Variants in NPAS3 observed in about 807,000 individuals in gnomAD.
NPAS3 encodes the protein neuronal PAS domain protein 3.
A neutral mutation model predicts 73.1 loss-of-function variants in NPAS3; 14 were observed. The ratio of observed to expected loss-of-function variants is 0.19; its 90% CI spans 0.13 to 0.30. NPAS3 has a LOEUF of 0.30. Among genes scored for constraint, NPAS3 ranks in the 10% least tolerant of loss-of-function variants. NPAS3 has a pLI of 1.00. For missense variants in NPAS3, 1,096 were observed against 1,250.0 expected, an observed-to-expected ratio of 0.88 and a Z score of 1.86; for synonymous variants, 620 against 541.5, an observed-to-expected ratio of 1.14 and a Z score of -2.01.
chr14:33,702,142 T>C (rs1015626043), intron 6 of NPAS3, among the ~76,000 whole-genome samples: 3 of 152,258 alleles, frequency 2.0e-5, no homozygotes, highest in Admixed American at 1.3e-4. Context: ...CTCTGTTCCA[T>C]GTTAATTGTG....
intron 4 of NPAS3, among the ~76,000 whole-genome samples, chr14:33,544,974 CTGTT>C (rs1390745147): frequency 6.7e-6 from 1 of 150,032 alleles, no homozygotes; most frequent in Non-Finnish European, 1.5e-5. Flanking sequence ...TCCTATGTCT[CTGTT>C]TGATTCTTTT....
At chr14:33,163,472 G>GT (rs76879223) in intron 2 of NPAS3, among the ~76,000 whole-genome samples, 13,644 of 152,232 alleles carry the variant, frequency 0.09, 664 homozygotes, top group East Asian at 0.13. Context: ...TTAAAATGCA[G>GT]TATTTCTTTC....
chr14:33,395,403 CAA>C (rs5807725), intron 4 of NPAS3, among the ~76,000 whole-genome samples: 27,149 of 139,972 alleles, frequency 0.19, 2,642 homozygotes, highest in Admixed American at 0.27. Flanking sequence ...CATCATAGTT[CAA>C]GTTTTTTTTT....
At chr14:33,711,129 A>G (rs1644159163) in intron 6 of NPAS3, among the ~76,000 whole-genome samples, 1 of 152,244 alleles carries the variant, frequency 6.6e-6, no homozygotes, top group African/African-American at 2.4e-5. Flanking sequence ...ACATACGTGC[A>G]TGCACTGTAT....
intron 4 of NPAS3, among the ~76,000 whole-genome samples, chr14:33,456,360 C>T (rs746311678): frequency 2.0e-5 from 3 of 152,056 alleles, no homozygotes; most frequent in Non-Finnish European, 4.4e-5. Flanking sequence ...ATGAGGGCTG[C>T]TAAGCAGGTA....
intron 1 of NPAS3, among the ~76,000 whole-genome samples, chr14:32,974,824 T>C (rs968528195): frequency 6.6e-6 from 1 of 152,194 alleles, no homozygotes; most frequent in Non-Finnish European, 1.5e-5. Context: ...GCCACATGCC[T>C]ACCTTTAATT....
At chr14:33,173,682 T>C (rs544128053) in intron 2 of NPAS3, among the ~76,000 whole-genome samples, 3 of 152,220 alleles carry the variant, frequency 2.0e-5, no homozygotes, top group East Asian at 1.9e-4. Flanking sequence ...TAGGAAAGCA[T>C]TGACTTTTTA....
intron 5 of NPAS3, among the ~76,000 whole-genome samples, chr14:33,660,340 C>A (rs1000086218): frequency 3.9e-5 from 6 of 152,128 alleles, no homozygotes; most frequent in African/African-American, 9.7e-5. Context: ...TCTCATAACT[C>A]ATTTCTAAAC....
At chr14:32,935,199 G>A (rs1393395223), upstream of NPAS3, among the ~76,000 whole-genome samples, 3 of 152,190 alleles carry the variant, frequency 2.0e-5, no homozygotes, top group Non-Finnish European at 4.4e-5. Context: ...GTGCGCTGGC[G>A]AAGTGAAATC....
At chr14:33,000,541 A>G (rs1052286916) in intron 1 of NPAS3, among the ~76,000 whole-genome samples, 1 of 152,216 alleles carries the variant, frequency 6.6e-6, no homozygotes, top group Non-Finnish European at 1.5e-5. Context: ...TTTGAACTTC[A>G]ATTAGTTGGG....
At chr14:33,220,537 C>T (rs1416118775) in intron 3 of NPAS3, among the ~76,000 whole-genome samples, 4 of 152,164 alleles carry the variant, frequency 2.6e-5, no homozygotes, top group African/African-American at 4.8e-5. Flanking sequence ...CTTTATTTTA[C>T]ATCATGATAG....
chr14:33,442,208 C>A (rs765939515), intron 4 of NPAS3, among the ~76,000 whole-genome samples: 1 of 152,054 alleles, frequency 6.6e-6, no homozygotes, highest in Non-Finnish European at 1.5e-5. Flanking sequence ...ATGATACTAG[C>A]TATTTAGCAG....
In NPAS3 at chr14:33,573,326, T is replaced by C. The variant is rs986599672; in HGVS notation, c.558+13116T>C. ...CTATTGATCACTAAGGCATAGTTCC[T>C]GCCCTTCAGGAGCTGGTTTCTGCAA... is the stretch of plus-strand genomic sequence containing the variant. On this transcript the variant is annotated intron_variant, in intron 5 of 11. Transcript: ENST00000356141. Among the ~76,000 whole-genome samples the C allele has an allele frequency of 2.3e-4, 35 of 152,184 alleles. 1 individual carries two copies. Among genetic ancestry groups the C allele is most frequent in the South Asian group, 4.1e-4 (2 of 4,832 alleles).
chr14:33,073,521 C>T (rs1441674579), intron 2 of NPAS3, among the ~76,000 whole-genome samples: 1 of 152,086 alleles, frequency 6.6e-6, no homozygotes, highest in Admixed American at 6.5e-5. Flanking sequence ...CAGTTCTGTA[C>T]AAGTCCAGAG....
intron 5 of NPAS3, among the ~76,000 whole-genome samples, chr14:33,645,225 T>TA (rs1333432677): frequency 6.6e-6 from 1 of 152,196 alleles, no homozygotes; most frequent in Non-Finnish European, 1.5e-5. Flanking sequence ...GGGTACCTGA[T>TA]ACTTAGTTCC....
At chr14:33,150,608 T>A (rs151115601) in intron 2 of NPAS3, among the ~76,000 whole-genome samples, 2 of 152,360 alleles carry the variant, frequency 1.3e-5, no homozygotes, top group East Asian at 3.9e-4. Flanking sequence ...AAAATTTTGT[T>A]TGCTTTAATT....
At chr14:33,496,473 A>C (rs1367837100) in intron 4 of NPAS3, among the ~76,000 whole-genome samples, 2 of 152,056 alleles carry the variant, frequency 1.3e-5, no homozygotes, top group Non-Finnish European at 2.9e-5. Flanking sequence ...CAAACCGAAT[A>C]CAGCAGCACA....
At chr14:33,219,997 C>T (rs146372276) in intron 3 of NPAS3, among the ~76,000 whole-genome samples, 3 of 152,236 alleles carry the variant, frequency 2.0e-5, no homozygotes, top group Non-Finnish European at 2.9e-5. Flanking sequence ...GGGCAAGGGT[C>T]ATATTCCTCA....
chr14:33,416,879 T>G (rs17101057), intron 4 of NPAS3, among the ~76,000 whole-genome samples: 28,436 of 151,904 alleles, frequency 0.19, 2,890 homozygotes, highest in Admixed American at 0.28. Context: ...ACTTCATTTA[T>G]TTTTGGTTGT....
Sources: allele counts gnomAD v4.1 joint callset (sites outside exome capture counted in the v4.1 genomes callset), GRCh38; gene constraint gnomAD v4.1.1; transcripts MANE v1.5; gene names NCBI Gene and HGNC (gene_info 2026-07-23, HGNC 2026-07-21).